PTPRM: variants seen among roughly 807,000 people sequenced by gnomAD.
The protein encoded by PTPRM is receptor-type tyrosine-protein phosphatase mu.
PTPRM carries 47 observed loss-of-function variants against 186.7 expected under a neutral mutation model. That is an observed-to-expected ratio of 0.25 (90% CI 0.20 to 0.32). The LOEUF is 0.32. Ranked by LOEUF, PTPRM falls within the 10% of genes least tolerant of loss-of-function variation. PTPRM has a pLI of 1.00. For missense variants in PTPRM, 1,494 were observed against 1,865.0 expected (o/e 0.80, Z 3.66); for synonymous variants, 668 against 674.9 (o/e 0.99, Z 0.16).
chr18:8,073,514 T>A (rs1451104540), intron 8 of PTPRM, among the ~76,000 whole-genome samples: 1 of 152,372 alleles, frequency 6.6e-6, no homozygotes, highest in East Asian at 1.9e-4. Flanking sequence ...TCATTTCTAA[T>A]GTTTTTTGTT....
At chr18:7,684,002 C>T (rs945474038) in intron 1 of PTPRM, among the ~76,000 whole-genome samples, 2 of 152,142 alleles carry the variant, frequency 1.3e-5, no homozygotes, top group Non-Finnish European at 2.9e-5. Context: ...GTGGCTCCCT[C>T]CCTCTTCAGG....
At chr18:7,917,633 C>A (rs1223801163) in intron 4 of PTPRM, among the ~76,000 whole-genome samples, 1 of 152,108 alleles carries the variant, frequency 6.6e-6, no homozygotes, top group African/African-American at 2.4e-5. Flanking sequence ...AAAATGGAAG[C>A]AGTGTAACTG....
At chr18:8,124,999 T>A (rs2092293461) in intron 13 of PTPRM, among the ~76,000 whole-genome samples, 1 of 152,080 alleles carries the variant, frequency 6.6e-6, no homozygotes, top group Admixed American at 6.6e-5. Context: ...TAGGTTTCCC[T>A]TGGTGTAGGT....
In PTPRM at chr18:7,629,555, G is replaced by A. The variant is rs77949452; in HGVS notation, c.73+61664G>A. On this transcript the variant is annotated intron_variant, in intron 1 of 32. Coordinates refer to ENST00000580170, the MANE Select transcript of PTPRM (RefSeq NM_001105244.2). ...AAATGTACAAAAGCCCTTTTTGGAG[G>A]AGCATGTATGAAATGTTTTAGGAAC... 1.3e-3 allele frequency among the ~76,000 whole-genome samples: 198 copies of A among 152,270 alleles called. 6 individuals are homozygous for A. The East Asian group carries it at 0.035, about 27-fold the overall frequency.
intron 17 of PTPRM, among the ~76,000 whole-genome samples, chr18:8,252,280 T>C (rs1327683644): frequency 6.6e-6 from 1 of 152,256 alleles, no homozygotes; most frequent in Non-Finnish European, 1.5e-5. Flanking sequence ...ACCTCCTTTT[T>C]GTTATGGAGT....
chr18:7,869,478 G>T (rs547029252), intron 2 of PTPRM, among the ~76,000 whole-genome samples: 1 of 152,058 alleles, frequency 6.6e-6, no homozygotes, highest in South Asian at 2.1e-4. Flanking sequence ...TGCGCTTCCC[G>T]GGAGGCAATG....
intron 1 of PTPRM, among the ~76,000 whole-genome samples, chr18:7,722,313 T>G (rs555562106): frequency 1.3e-5 from 2 of 152,174 alleles, no homozygotes; most frequent in East Asian, 1.9e-4. Flanking sequence ...TCCTCTGTGT[T>G]TTTTGGTGGC....
At chr18:8,046,848 CCT>C (rs2087097209) in intron 7 of PTPRM, among the ~76,000 whole-genome samples, 1 of 152,092 alleles carries the variant, frequency 6.6e-6, no homozygotes, top group Non-Finnish European at 1.5e-5. Flanking sequence ...CATCCATACT[CCT>C]GGACCTCCAA....
intron 2 of PTPRM, among the ~76,000 whole-genome samples, chr18:7,875,386 C>T (rs2146224871): frequency 6.6e-6 from 1 of 150,574 alleles, no homozygotes; most frequent in South Asian, 2.1e-4. Flanking sequence ...TGCAGTAGCA[C>T]AGTCTCAGCT....
intron 7 of PTPRM, among the ~76,000 whole-genome samples, chr18:8,063,534 CATT>C (rs1245363310): frequency 6.6e-6 from 1 of 152,150 alleles, no homozygotes; most frequent in Non-Finnish European, 1.5e-5. Context: ...GACATGTTAT[CATT>C]ATTAAGTGCC....
chr18:7,995,242 T>A (rs1273839234), intron 7 of PTPRM, among the ~76,000 whole-genome samples: 1 of 152,068 alleles, frequency 6.6e-6, no homozygotes, highest in Non-Finnish European at 1.5e-5. Flanking sequence ...ATAGAAAACC[T>A]GTGCAGACCA....
At chr18:8,364,729 G>A (rs1480254651) in intron 23 of PTPRM, among the ~76,000 whole-genome samples, 5 of 152,180 alleles carry the variant, frequency 3.3e-5, no homozygotes, top group Admixed American at 6.5e-5. Context: ...AAAAACTCTT[G>A]AGAAATCAAA....
chr18:7,902,271 G>A (rs566858719), intron 3 of PTPRM, among the ~76,000 whole-genome samples: 6 of 152,296 alleles, frequency 3.9e-5, no homozygotes, highest in South Asian at 4.1e-4. Flanking sequence ...ACTGAGGGGA[G>A]CAAATAAAAT....
At chr18:8,269,638 T>C (rs2094745690) in intron 19 of PTPRM, among the ~76,000 whole-genome samples, 1 of 152,048 alleles carries the variant, frequency 6.6e-6, no homozygotes, top group South Asian at 2.1e-4. Context: ...TCAAACTTTA[T>C]TGCAAGCTAC....
Position 7,715,511 on chromosome 18 carries a change from A to G in PTPRM, c.74-58638A>G, listed in dbSNP as rs184768749. ...AATATTGGAAGTGCTGGCCAGGGCA[A>G]TCAGGCAAGAGAAAGAAATAAAGGG... On this transcript the variant is annotated intron_variant, in intron 1 of 32. Coordinates refer to ENST00000580170, the MANE Select transcript of PTPRM (RefSeq NM_001105244.2). Among the ~76,000 whole-genome samples, 344 of 152,330 alleles carry G rather than the reference A, an allele frequency of 2.3e-3. 5 individuals are homozygous for G. The highest frequency in any genetic ancestry group is 8.3e-4 in the South Asian group (4 of 4,830).
At chr18:7,723,955 T>G (rs567411084) in intron 1 of PTPRM, among the ~76,000 whole-genome samples, 53 of 152,342 alleles carry the variant, frequency 3.5e-4, no homozygotes, top group African/African-American at 1.2e-3. Context: ...GAAATTAGTG[T>G]TCTGTGCCTC....
At chr18:8,122,936 AAATGCTTTGAAT>A (rs1190682407) in intron 13 of PTPRM, among the ~76,000 whole-genome samples, 1 of 152,232 alleles carries the variant, frequency 6.6e-6, no homozygotes, top group Non-Finnish European at 1.5e-5. Flanking sequence ...TCTGCAAGTC[AAATGCTTTGAAT>A]AATTTAGGAA....
At chr18:8,341,528 T>A (rs2095474668) in intron 22 of PTPRM, among the ~76,000 whole-genome samples, 1 of 152,184 alleles carries the variant, frequency 6.6e-6, no homozygotes, top group Admixed American at 6.5e-5. Context: ...AGAAGACCCC[T>A]GTTGGGCCCT....
intron 29 of PTPRM, among the ~76,000 whole-genome samples, chr18:8,383,729 T>C (rs866417774): frequency 1.2e-4 from 19 of 152,376 alleles, no homozygotes; most frequent in South Asian, 8.3e-4. Flanking sequence ...GGGTTTGGAC[T>C]GGAACATAAA....
Sources: allele counts gnomAD v4.1 joint callset (sites outside exome capture counted in the v4.1 genomes callset), GRCh38; gene constraint gnomAD v4.1.1; transcripts MANE v1.5; gene names NCBI Gene and HGNC (gene_info 2026-07-23, HGNC 2026-07-21).